The following SCAF1 variants were observed in gnomAD, a reference collection of about 807,000 sequenced individuals.
SCAF1 encodes the protein SR-related CTD associated factor 1, also known as splicing factor, arginine/serine-rich 19.
A neutral mutation model predicts 91.2 loss-of-function variants in SCAF1; 28 were observed. The ratio of observed to expected loss-of-function variants is 0.31; its 90% CI spans 0.23 to 0.42. The LOEUF (loss-of-function observed/expected upper bound fraction) is 0.42, where lower values mean the gene tolerates loss of function less well. Among genes scored for constraint, SCAF1 ranks in the 10% least tolerant of loss-of-function variants. SCAF1 has a pLI of 1.00. For synonymous variants in SCAF1, 1,036 were observed against 833.7 expected (o/e 1.24, Z -4.18); for missense variants, 1,893 against 1,872.1 (o/e 1.01, Z -0.21).
chr19:49,647,670 C>T (rs552500151), intron 6 of SCAF1, among the ~76,000 whole-genome samples: 3 of 152,196 alleles, frequency 2.0e-5, no homozygotes, highest in Non-Finnish European at 4.4e-5. Flanking sequence ...TTCGCTGTGT[C>T]GCCCAGGCTG....
At chr19:49,656,448 C>G (rs1257644370) in intron 9 of SCAF1, among the ~76,000 whole-genome samples, 1 of 152,212 alleles carries the variant, frequency 6.6e-6, no homozygotes, top group Non-Finnish European at 1.5e-5. Context: ...TTTACCTGCC[C>G]CTACTTTGAT....
In SCAF1 at chr19:49,646,801, G is replaced by A. The variant is rs369662462; in HGVS notation, c.449G>A (p.Arg150His). ...IPLPVPSLLPRLRAWRTGKTV... is the reference protein window; with the variant it reads ...IPLPVPSLLPHLRAWRTGKTV... ...CTGCCTGTGCCCAGCCTGCTGCCCC[G>A]TCTCAGGGCCTGGAGGACGGGCAAA... The change falls in exon 6 of 11, where the codon CGT (arginine) becomes CAT (histidine). Residue 150 changes from arginine (R) to histidine (H), a missense_variant. Arg to His is a conservative substitution (Grantham distance 29, BLOSUM62 0). Transcript: ENST00000360565. The surrounding 1 kb of genome is among the most constrained non-coding windows in gnomAD (Gnocchi z 5.6). The A allele has an allele frequency of 3.7e-5, 60 of 1,613,186 alleles. No homozygotes were observed. Among genetic ancestry groups the A allele is most frequent in the Middle Eastern group, 1.8e-4 (1 of 5,614 alleles).
At chr19:49,650,720 G>A (rs774182191) in intron 6 of SCAF1, 148 bp from the exon 7 acceptor site, 10 of 608,626 alleles carry the variant, frequency 1.6e-5, no homozygotes, top group Non-Finnish European at 2.9e-5. Flanking sequence ...CAGTTGTTGG[G>A]AGCATCCTAC....
Position 49,652,702 on chromosome 19 carries a change from G to A in SCAF1, c.2313G>A (p.Lys771=), listed in dbSNP as rs762445634. ...SSSREKGSRR[K]ALDGGDRDRD... ...CCCGGGAGAAGGGGTCTCGTCGGAA[G>A]GCGCTGGACGGGGGTGACCGGGATC... Residue 771 remains lysine (K), a synonymous_variant, in exon 7 of 11, where the codon AAG becomes AAA. Transcript: ENST00000360565. 1.3e-6 allele frequency: 2 copies of A among 1,580,028 alleles called. No homozygotes were observed. The highest frequency in any genetic ancestry group is 2.3e-5 in the South Asian group (2 of 87,296).
chr19:49,641,583 C>T (rs1198449901), upstream of SCAF1, among the ~76,000 whole-genome samples: 4 of 152,200 alleles, frequency 2.6e-5, no homozygotes, highest in African/African-American at 9.7e-5. Flanking sequence ...TCCCAAAGTG[C>T]TGGGATTACA....
Position 49,646,284 on chromosome 19 carries a change from G to T in SCAF1, c.261+82G>T. ...GGGGGCCTGAGTCTGGGGGAATGGGGTTTGGGGACCTGGACTCCTGGCTCT... is the reference window on the plus strand; with the variant it reads ...GGGGGCCTGAGTCTGGGGGAATGGGTTTTGGGGACCTGGACTCCTGGCTCT... On this transcript the variant is annotated intron_variant, in intron 4 of 10. Transcript: ENST00000360565. This position sits in a 1 kb window ranked among gnomAD's most constrained non-coding sequence, Gnocchi z 5.6. The T allele has an allele frequency of 5.0e-6, 6 of 1,190,144 alleles. No individual in the cohort carries two copies. The highest frequency in any genetic ancestry group is 1.3e-5 in the South Asian group (1 of 74,992). The allele number at this position is 1,190,144 out of a possible 1,614,324, so 73.7% of individuals were successfully genotyped here.
Position 49,653,221 on chromosome 19 carries a change from G to A in SCAF1, c.2832G>A (p.Lys944=), listed in dbSNP as rs778514900. 6.6e-7 allele frequency: 1 copy of A among 1,518,138 alleles called. No individual in the cohort carries two copies. Among genetic ancestry groups the A allele is most frequent in the East Asian group, 2.4e-5 (1 of 42,490 alleles). The allele number at this position is 1,518,138 out of a possible 1,614,324, so 94.0% of individuals were successfully genotyped here. Reference sequence around the variant, plus strand: ...GTGGTGGCCAGGTGTCGCTGAAGAAGTCCAAGGCGGATAGCTGCAGCCAGG... The same window carrying A: ...GTGGTGGCCAGGTGTCGCTGAAGAAATCCAAGGCGGATAGCTGCAGCCAGG... ...GGSGGQVSLK[K]SKADSCSQAA... The change falls in exon 7 of 11, where the codon AAG becomes AAA. Residue 944 remains lysine (K), a synonymous_variant. Coordinates refer to ENST00000360565, the MANE Select transcript of SCAF1 (RefSeq NM_021228.3).
rs2081147630 is a variant in SCAF1, at chr19:49,657,581, T to C, written c.3619-180T>C. ...GACATGCAGAGGCCCAGGCCTGGCC[T>C]TTGGTCCCGGGCACCTGCAGCAGAG... On this transcript the variant is annotated intron_variant, in intron 9 of 10. Coordinates refer to ENST00000360565, the MANE Select transcript of SCAF1 (RefSeq NM_021228.3). Among the ~76,000 whole-genome samples the C allele has an allele frequency of 2.0e-5, 3 of 152,162 alleles. No individual in the cohort carries two copies. In the South Asian group the frequency reaches 6.2e-4, roughly 32 times the overall value.
At position 49,652,106 on chromosome 19, in the gene SCAF1, CGCTCCCGCT is replaced by C; in HGVS notation, c.1718_1726del (p.Arg573_Ser576delinsPro). ...CCACGCCTCGTCGTCCGCCCGCCGCCGCTCCCGCTCCCGCTCCCGCTCCCGCTCCACCCG... is the reference window on the plus strand; with the variant it reads ...CCACGCCTCGTCGTCCGCCCGCCGCCCCCGCTCCCGCTCCCGCTCCACCCG... On this transcript the variant is annotated inframe_deletion, in exon 7 of 11. Transcript: ENST00000360565. The C allele has an allele frequency of 2.4e-6, 1 of 423,428 alleles. No individual in the cohort carries two copies. The highest frequency in any genetic ancestry group is 9.6e-5 in the South Asian group (1 of 10,454). 26.2% of individuals were successfully genotyped at this position (423,428 alleles called of 1,614,324 possible).
In SCAF1 at chr19:49,646,088, C is replaced by T. The variant is rs773121243; in HGVS notation, c.167-20C>T. 3 of 1,607,554 alleles carry T rather than the reference C, an allele frequency of 1.9e-6. No individual in the cohort carries two copies. The highest frequency in any genetic ancestry group is 1.7e-5 in the Admixed American group (1 of 59,926). On this transcript the variant is annotated intron_variant, in intron 3 of 10. Coordinates refer to ENST00000360565, the MANE Select transcript of SCAF1 (RefSeq NM_021228.3). The surrounding 1 kb of genome is among the most constrained non-coding windows in gnomAD (Gnocchi z 5.6). ...CAGCAAGTCCCCTGTGTCCAATCCC[C>T]CATGCAAATCTCTCACCAGATGGCT...
rs1426617965 is a variant in SCAF1, at chr19:49,652,410, C to T, written c.2021C>T (p.Ser674Leu). The change falls in exon 7 of 11, where the codon TCG (serine) becomes TTG (leucine). Residue 674 changes from serine (S) to leucine (L), a missense_variant. By Grantham distance (145) the Ser-to-Leu change is moderately radical. This residue lies in a region of SCAF1 where 1,436 missense variants were observed against 1,306.8 expected (regional missense o/e 1.10). Coordinates refer to ENST00000360565, the MANE Select transcript of SCAF1 (RefSeq NM_021228.3). The stretch of plus-strand genomic sequence containing the variant: ...GCCCCGCCGCCCTCTGGCTCCACCT[C>T]GTGTGGTGACCGCGACAGCCGCCGC... The part of the protein sequence containing the change: ...APAPPPSGST[S>L]CGDRDSRRRG... 5.0e-6 allele frequency: 8 copies of T among 1,592,600 alleles called. No individual in the cohort carries two copies. The highest frequency in any genetic ancestry group is 2.2e-5 in the South Asian group (2 of 89,120).
Position 49,652,077 on chromosome 19 carries a change from G to A in SCAF1, c.1688G>A (p.Gly563Asp), listed in dbSNP as rs780599554. ...KKHRSRDRKPGSHASSSARRR... is the reference protein window; with the variant it reads ...KKHRSRDRKPDSHASSSARRR... The stretch of plus-strand genomic sequence containing the variant: ...CACCGCTCGCGGGACCGCAAGCCCG[G>A]CTCCCACGCCTCGTCGTCCGCCCGC... Residue 563 changes from glycine to aspartate, a missense_variant, in exon 7 of 11, where the codon GGC (glycine) becomes GAC (aspartate). Gly to Asp is a moderately conservative substitution (Grantham distance 94, BLOSUM62 -1). Around this residue, in one of 5 missense-constraint regions of SCAF1, gnomAD observed 1,436 missense variants for 1,306.8 expected, o/e 1.10. Coordinates refer to ENST00000360565, the MANE Select transcript of SCAF1 (RefSeq NM_021228.3). The A allele has an allele frequency of 1.2e-5, 14 of 1,203,132 alleles. No individual in the cohort carries two copies. Among genetic ancestry groups the A allele is most frequent in the South Asian group, 1.6e-5 (1 of 60,784 alleles). The allele number at this position is 1,203,132 out of a possible 1,614,324, so 74.5% of individuals were successfully genotyped here.
At position 49,652,447 on chromosome 19, in the gene SCAF1, G is replaced by C. The variant is rs770726984; in HGVS notation, c.2058G>C (p.Val686=). 3.7e-6 allele frequency: 6 copies of C among 1,601,880 alleles called. No individual in the cohort carries two copies. Among genetic ancestry groups the C allele is most frequent in the Non-Finnish European group, 5.1e-6 (6 of 1,177,956 alleles). Residue 686 remains valine, a synonymous_variant, in exon 7 of 11, where the codon GTG becomes GTC. Transcript: ENST00000360565. ...GDRDSRRRGA[V]PPSIQDLTDH... is the part of the protein sequence containing the mutation. ...GCGACAGCCGCCGCCGGGGGGCCGT[G>C]CCACCCTCCATCCAGGACCTCACGG...
chr19:49,646,723 A>T lies in SCAF1; in HGVS notation c.371A>T (p.Asp124Val), dbSNP rs1218254358. ...RLDLRPGESE[D>V]MLELVAEVRI... ...CCCCTTCCGCCTTGCAGAAGTGAGG[A>T]CATGCTGGAGCTGGTGGCTGAGGTC... is the stretch of plus-strand genomic sequence containing the variant. The change falls in exon 6 of 11, where the codon GAC becomes GTC. Residue 124 changes from aspartate (D) to valine (V), a missense_variant. Physicochemically the swap from Asp to Val is radical, Grantham distance 152. Transcript: ENST00000360565. The surrounding 1 kb of genome is among the most constrained non-coding windows in gnomAD (Gnocchi z 5.6). 1 of 1,613,868 alleles carries T rather than the reference A, an allele frequency of 6.2e-7. No individual in the cohort carries two copies. The highest frequency in any genetic ancestry group is 8.5e-7 in the Non-Finnish European group (1 of 1,179,980).
In SCAF1 at chr19:49,658,527, C is replaced by CCCCTG. The variant is rs967052073; in HGVS notation, c.*142_*146dup. On this transcript the variant is annotated 3_prime_UTR_variant, in exon 11 of 11. Coordinates refer to ENST00000360565, the MANE Select transcript of SCAF1 (RefSeq NM_021228.3). ...GGGTTGCTGCAGGGAAGAGGAGAGC[C>CCCCTG]CCCTGCCCTGCCCTGCCCCGTGTCC... 1 of 636,980 alleles carries CCCCTG rather than the reference C, an allele frequency of 1.6e-6. No homozygotes were observed. The highest frequency in any genetic ancestry group is 2.7e-6 in the Non-Finnish European group (1 of 365,682). 39.5% of individuals were successfully genotyped at this position (636,980 alleles called of 1,614,324 possible). A position where few individuals can be genotyped will look rare whatever the true frequency, so the allele number is the denominator to read the frequency against.
At position 49,642,637 on chromosome 19, in the gene SCAF1, A is replaced by T. The variant is rs1478979054; in HGVS notation, c.-7+395A>T. On this transcript the variant is annotated intron_variant, in intron 1 of 10. Coordinates refer to ENST00000360565, the MANE Select transcript of SCAF1 (RefSeq NM_021228.3). The surrounding 1 kb of genome is among the most constrained non-coding windows in gnomAD (Gnocchi z 4.0). Reference sequence around the variant, plus strand: ...TCTGGGGCCATCTTGAGATCTTGAGATATGTCCCAGGGGTGAAGGAGGGTC... The same window carrying T: ...TCTGGGGCCATCTTGAGATCTTGAGTTATGTCCCAGGGGTGAAGGAGGGTC... The T allele has an allele frequency of 6.6e-6, 1 of 152,240 alleles. No individual in the cohort carries two copies. Among genetic ancestry groups the T allele is most frequent in the Non-Finnish European group, 1.5e-5 (1 of 68,128 alleles). The allele number at this position is 152,240 out of a possible 1,614,324, so 9.4% of individuals were successfully genotyped here.
intron 6 of SCAF1, among the ~76,000 whole-genome samples, chr19:49,648,365 A>C (rs1319214674): frequency 6.6e-6 from 1 of 151,188 alleles, no homozygotes. Context: ...GCCTGCCTCA[A>C]CCTCCCAAAC....
rs777729326 is a variant in SCAF1 at position 49,645,009 on chromosome 19, C to G, written c.-6-12C>G. The G allele has an allele frequency of 1.9e-6, 3 of 1,602,758 alleles. No individual in the cohort carries two copies. Among genetic ancestry groups the G allele is most frequent in the African/African-American group, 2.7e-5 (2 of 74,658 alleles). On this transcript the variant is annotated splice_polypyrimidine_tract_variant and intron_variant, in intron 1 of 10. Transcript: ENST00000360565. The surrounding 1 kb of genome is among the most constrained non-coding windows in gnomAD (Gnocchi z 4.6). ...GGACCTCCACTCCAAACTCTCCCCC[C>G]TGGACCCCCAGGTGACCATGGAGGA...
Position 49,652,156 on chromosome 19 carries a change from C to T in SCAF1, c.1767C>T (p.Ser589=). 1 of 1,100,448 alleles carries T rather than the reference C, an allele frequency of 9.1e-7. No homozygotes were observed. The highest frequency in any genetic ancestry group is 1.1e-6 in the Non-Finnish European group (1 of 900,514). 68.2% of individuals were successfully genotyped at this position (1,100,448 alleles called of 1,614,324 possible). ...RSRSTRRRSR[S]TDRRRGGSRR... ...GCTCCACCCGCCGCCGCTCGCGCAG[C>T]ACCGACCGCCGCCGCGGGGGCAGCC... The change falls in exon 7 of 11, where the codon AGC becomes AGT. Residue 589 remains serine (S), a synonymous_variant. Transcript: ENST00000360565.
Sources: allele counts gnomAD v4.1 joint callset (sites outside exome capture counted in the v4.1 genomes callset), GRCh38; gene constraint gnomAD v4.1.1; regional missense constraint gnomAD v4.1.1; non-coding constraint Gnocchi (gnomAD v3.1); transcripts MANE v1.5; gene names NCBI Gene and HGNC (gene_info 2026-07-23, HGNC 2026-07-21).